The following MAP3K7 variants were observed in gnomAD, a reference collection of about 807,000 sequenced individuals.
The protein encoded by MAP3K7 is mitogen-activated protein kinase kinase kinase 7, also known as TGF-beta activated kinase 1.
Under a neutral mutation model 84.8 loss-of-function variants are expected in MAP3K7, and 21 were observed. The ratio of observed to expected loss-of-function variants is 0.25; its 90% confidence interval spans 0.18 to 0.36. The LOEUF is 0.36. Among genes scored for constraint, MAP3K7 ranks in the 10% least tolerant of loss-of-function variants. The probability of loss-of-function intolerance (pLI) is 1.00; values close to 1 mark genes in which losing one functional copy is unlikely to be tolerated. For missense variants in MAP3K7, 503 were observed against 747.7 expected (o/e 0.67, Z 3.82); for synonymous variants, 241 against 247.7 (o/e 0.97, Z 0.25).
At chr6:90,575,026 C>A (rs951989339) in intron 1 of MAP3K7, among the ~76,000 whole-genome samples, 1 of 151,990 alleles carries the variant, frequency 6.6e-6, no homozygotes, top group Non-Finnish European at 1.5e-5. Flanking sequence ...TTGTACTGAC[C>A]TGAAATACAG....
At chr6:90,551,952 G>C (rs1776191675) in intron 8 of MAP3K7, 97 bp downstream of exon 8, 1 of 1,335,864 alleles carries the variant, frequency 7.5e-7, no homozygotes, top group African/African-American at 1.4e-5. Flanking sequence ...AATATATAAA[G>C]CAGAATATAG....
intron 13 of MAP3K7, among the ~76,000 whole-genome samples, chr6:90,525,870 A>G (rs763339785): frequency 1.8e-4 from 28 of 152,032 alleles, no homozygotes; most frequent in Non-Finnish European, 3.2e-4. Context: ...CCTGGCCAAC[A>G]ATTCAAAATT....
Position 90,515,103 on chromosome 6 carries a change from G to A in MAP3K7, c.*1398C>T, listed in dbSNP as rs915146141. On this transcript the variant is annotated 3_prime_UTR_variant, in exon 17 of 17. Coordinates refer to ENST00000369329, the MANE Select transcript of MAP3K7 (RefSeq NM_145331.3). The stretch of plus-strand genomic sequence containing the variant: ...TTAGATCTTGCTTATCTGAAATAGA[G>A]CAAAAACTACAATACAGTCATGATA... 2.0e-5 allele frequency: 3 copies of A among 151,912 alleles called. No individual in the cohort carries two copies. The highest frequency in any genetic ancestry group is 1.5e-5 in the Non-Finnish European group (1 of 67,900). 9.4% of individuals were successfully genotyped at this position (151,912 alleles called of 1,614,324 possible).
intron 11 of MAP3K7, among the ~76,000 whole-genome samples, chr6:90,545,213 A>G (rs1162911124): frequency 6.6e-6 from 1 of 152,112 alleles, no homozygotes; most frequent in Non-Finnish European, 1.5e-5. Context: ...TTTAGGGTAC[A>G]TTCACAGTAA....
intron 14 of MAP3K7, 80 bp from the exon 15 acceptor site, chr6:90,519,399 C>T: frequency 1.2e-6 from 1 of 856,806 alleles, no homozygotes; most frequent in Non-Finnish European, 1.8e-6. Flanking sequence ...GAATGAAATG[C>T]TTTTTTTCCC....
intron 1 of MAP3K7, among the ~76,000 whole-genome samples, chr6:90,579,629 T>A (rs925060596): frequency 1.3e-5 from 2 of 152,226 alleles, no homozygotes; most frequent in African/African-American, 2.4e-5. Flanking sequence ...CACTTGTGTA[T>A]ATTGTAGTTT....
chr6:90,564,286 G>A (rs190704749), intron 3 of MAP3K7, among the ~76,000 whole-genome samples: 20 of 152,262 alleles, frequency 1.3e-4, no homozygotes, highest in Middle Eastern at 3.4e-3. Context: ...ATTGGATAGA[G>A]AGTCAAGACC....
At chr6:90,584,073 T>C (rs1777365398) in intron 1 of MAP3K7, among the ~76,000 whole-genome samples, 2 of 152,372 alleles carry the variant, frequency 1.3e-5, no homozygotes, top group South Asian at 4.1e-4. Context: ...TTTCTAATTA[T>C]ATTGATATAA....
chr6:90,572,261 G>A (rs1486114060), intron 1 of MAP3K7, among the ~76,000 whole-genome samples: 1 of 152,032 alleles, frequency 6.6e-6, no homozygotes, highest in Non-Finnish European at 1.5e-5. Context: ...ATAGGGAATG[G>A]AGGAGAAACG....
intron 5 of MAP3K7, among the ~76,000 whole-genome samples, chr6:90,557,373 T>A (rs1009304606): frequency 3.9e-5 from 6 of 152,180 alleles, no homozygotes; most frequent in African/African-American, 9.7e-5. Flanking sequence ...TACATAGGAA[T>A]TCATTTTAAT....
At chr6:90,542,219 G>A (rs530044227) in intron 12 of MAP3K7, 29 of 982,188 alleles carry the variant, frequency 3.0e-5, no homozygotes, top group Admixed American at 1.9e-4. Context: ...AAGGATGGGC[G>A]GTATTTTTAT....
intron 1 of MAP3K7, among the ~76,000 whole-genome samples, chr6:90,585,618 C>CTTTTTTTTTTTTTTTTTTTTTTTTTTTTT (rs1562116546): frequency 2.0e-5 from 3 of 150,362 alleles, no homozygotes; most frequent in African/African-American, 7.5e-5. Context: ...GCAGTTTTTA[C>CTTTTTTTTTTTTTTTTTTTTTTTTTTTTT]TTTTCTAAAT....
At chr6:90,563,850 T>A (rs1427495561) in intron 3 of MAP3K7, among the ~76,000 whole-genome samples, 3 of 152,202 alleles carry the variant, frequency 2.0e-5, no homozygotes, top group African/African-American at 7.2e-5. Context: ...GGGAAGCCCA[T>A]CAGACTAACA....
chr6:90,558,045 G>A (rs547403982), intron 5 of MAP3K7, among the ~76,000 whole-genome samples: 12 of 152,226 alleles, frequency 7.9e-5, no homozygotes, highest in African/African-American at 2.2e-4. Context: ...GGTATTGGCC[G>A]GGTGCAGTGG....
chr6:90,536,430 C>A (rs776895738), intron 12 of MAP3K7, 29 bp from the exon 13 acceptor site: 1 of 1,566,300 alleles, frequency 6.4e-7, no homozygotes, highest in Non-Finnish European at 8.8e-7. Flanking sequence ...AAGTAAAATA[C>A]TAAAATCTAG....
chr6:90,560,860 C>T (rs1776489663), intron 4 of MAP3K7, among the ~76,000 whole-genome samples: 1 of 152,008 alleles, frequency 6.6e-6, no homozygotes, highest in Non-Finnish European at 1.5e-5. Flanking sequence ...TTATGGCACA[C>T]TACTACAAGA....
At chr6:90,544,426 A>C (rs1775939521) in intron 12 of MAP3K7, 126 bp downstream of exon 12, 1 of 758,334 alleles carries the variant, frequency 1.3e-6, no homozygotes, top group Non-Finnish European at 2.3e-6. Flanking sequence ...CTGTCTCCCT[A>C]ATTACTGCAT....
chr6:90,516,861 T>C (rs1276894056), intron 16 of MAP3K7, among the ~76,000 whole-genome samples, 180 bp from the exon 17 acceptor site: 2 of 152,006 alleles, frequency 1.3e-5, no homozygotes, highest in Non-Finnish European at 2.9e-5. Flanking sequence ...AGTGTAATCA[T>C]ACAAATAACA....
rs961650989 is a variant in MAP3K7 at position 90,547,353 on chromosome 6, C to A, written c.1115G>T (p.Arg372Leu). Reference protein sequence around the residue: ...ESGRLSLGASRGSSVESLPPT... With the variant: ...ESGRLSLGASLGSSVESLPPT... ...GGGCAAGCTCTCCACACTGCTCCCA[C>A]GGGAGGCTCCCAAGCTTAAACGTCC... Residue 372 changes from arginine to leucine, a missense_variant, in exon 11 of 17, where the codon CGT (arginine) becomes CTT (leucine). Arg to Leu is a moderately radical substitution (Grantham distance 102, BLOSUM62 -2). Coordinates refer to ENST00000369329, the MANE Select transcript of MAP3K7 (RefSeq NM_145331.3). The A allele has an allele frequency of 1.2e-6, 2 of 1,612,258 alleles. No homozygotes were observed. The highest frequency in any genetic ancestry group is 1.7e-5 in the Admixed American group (1 of 59,552).
Sources: allele counts gnomAD v4.1 joint callset (sites outside exome capture counted in the v4.1 genomes callset), GRCh38; gene constraint gnomAD v4.1.1; transcripts MANE v1.5; gene names NCBI Gene and HGNC (gene_info 2026-07-23, HGNC 2026-07-21).